SFMBT2: variants seen among roughly 807,000 people sequenced by gnomAD.
SFMBT2 encodes the protein scm-like with four MBT domains protein 2.
In SFMBT2, 38 loss-of-function variants were observed where a neutral mutation model predicts 110.1. That is an observed-to-expected ratio of 0.35 (90% CI 0.27 to 0.45). The LOEUF (loss-of-function observed/expected upper bound fraction) is 0.45, where lower values mean the gene tolerates loss of function less well. Ranked by LOEUF, SFMBT2 falls within the 20% of genes least tolerant of loss-of-function variation. The probability of loss-of-function intolerance (pLI) is 1.00; values close to 1 mark genes in which losing one functional copy is unlikely to be tolerated. For synonymous variants in SFMBT2, 425 were observed against 425.4 expected (o/e 1.00, Z 0.01); for missense variants, 1,011 against 1,094.9 (o/e 0.92, Z 1.08).
chr10:7,205,497 A>T, intron 12 of SFMBT2: 5 of 980,400 alleles, frequency 5.1e-6, no homozygotes, highest in Non-Finnish European at 6.0e-6. Flanking sequence ...TGGTAACACA[A>T]TAATATAGTA....
chr10:7,290,035 T>C (rs1842216284), intron 4 of SFMBT2, among the ~76,000 whole-genome samples: 1 of 152,176 alleles, frequency 6.6e-6, no homozygotes, highest in African/African-American at 2.4e-5. Flanking sequence ...ATGATCATTA[T>C]CTTATTCTTC....
At position 7,172,108 on chromosome 10, in the gene SFMBT2, CTCACTGGCGGTGTCA is replaced by C. The variant is rs765001861; in HGVS notation, c.2187_2201del (p.Asp729_Ser733del). ...CATCCCGGAGCTCGGAGCCGGTCTC[CTCACTGGCGGTGTCA>C]TCGTCCATGGCGTCAGCGTCCTCCT... On this transcript the variant is annotated inframe_deletion, in exon 19 of 21. Transcript: ENST00000397167. This position sits in a 1 kb window ranked among gnomAD's most constrained non-coding sequence, Gnocchi z 4.6. 10 of 1,596,164 alleles carry C rather than the reference CTCACTGGCGGTGTCA, an allele frequency of 6.3e-6. No individual in the cohort carries two copies. In the East Asian group the frequency reaches 2.2e-4, roughly 36 times the overall value.
intron 16 of SFMBT2, among the ~76,000 whole-genome samples, chr10:7,186,990 C>T (rs752314647): frequency 6.6e-6 from 1 of 152,184 alleles, no homozygotes; most frequent in Non-Finnish European, 1.5e-5. Context: ...AATATGCTGC[C>T]TTTACAATTC....
chr10:7,356,451 C>T (rs1372609772), intron 4 of SFMBT2, among the ~76,000 whole-genome samples: 1 of 152,114 alleles, frequency 6.6e-6, no homozygotes, highest in Non-Finnish European at 1.5e-5. Flanking sequence ...AGTCTCGCTC[C>T]CTCACCCAGG....
chr10:7,314,783 C>T (rs1198380497), intron 4 of SFMBT2, among the ~76,000 whole-genome samples: 1 of 151,876 alleles, frequency 6.6e-6, no homozygotes, highest in Non-Finnish European at 1.5e-5. Context: ...TAGCAGGCCC[C>T]AGTATTCCCA....
intron 10 of SFMBT2, among the ~76,000 whole-genome samples, chr10:7,222,674 C>CTT (rs1288314711): frequency 4.8e-5 from 7 of 144,996 alleles, no homozygotes; most frequent in African/African-American, 1.8e-4. Flanking sequence ...TCCCCATCTT[C>CTT]TTTTTTTTTT....
chr10:7,385,586 TC>T (rs1369219203), intron 1 of SFMBT2, among the ~76,000 whole-genome samples: 12 of 151,688 alleles, frequency 7.9e-5, no homozygotes, highest in African/African-American at 2.7e-4. Context: ...AAAACAATGA[TC>T]ATAACAAAAA....
chr10:7,324,800 C>T (rs958408034), intron 4 of SFMBT2, among the ~76,000 whole-genome samples: 1 of 152,076 alleles, frequency 6.6e-6, no homozygotes, highest in Non-Finnish European at 1.5e-5. Flanking sequence ...CATCTTGCTA[C>T]GTGTTCACAT....
chr10:7,175,973 T>C lies in SFMBT2; in HGVS notation c.1984+17A>G. 1 of 1,599,156 alleles carries C rather than the reference T, an allele frequency of 6.3e-7. No homozygotes were observed. The highest frequency in any genetic ancestry group is 1.1e-5 in the South Asian group (1 of 90,062). On this transcript the variant is annotated intron_variant, in intron 17 of 20. Transcript: ENST00000397167. ...TCTCTGGGCTCATGCATTTCTTTTT[T>C]CATTATTTGTACTTACTGTATTTGG...
chr10:7,205,089 T>G (rs1214381848), intron 12 of SFMBT2: 6 of 315,328 alleles, frequency 1.9e-5, no homozygotes, highest in African/African-American at 1.4e-4. Context: ...TTTATTTATT[T>G]TTTGAGACAG....
At chr10:7,370,523 C>T in intron 2 of SFMBT2, 148 bp from the exon 3 acceptor site, 1 of 689,702 alleles carries the variant, frequency 1.4e-6, no homozygotes, top group Non-Finnish European at 2.4e-6. Context: ...TGCAAAGCTT[C>T]AGTCTGCTGA....
intron 7 of SFMBT2, chr10:7,263,926 C>T (rs1279478570): frequency 1.2e-5 from 2 of 172,346 alleles, no homozygotes; most frequent in African/African-American, 2.4e-5. Context: ...TCTAGGTCTC[C>T]GATGCTAAAA....
rs554051663 is a variant in SFMBT2 at position 7,260,642 on chromosome 10, G to A, written c.871-11993C>T. 1.5e-4 allele frequency among the ~76,000 whole-genome samples: 23 copies of A among 152,190 alleles called. No homozygotes were observed. The East Asian group carries it at 4.4e-3, about 29-fold the overall frequency. On this transcript the variant is annotated intron_variant, in intron 7 of 20. Transcript: ENST00000397167. The stretch of plus-strand genomic sequence containing the variant: ...AGCCAATCACTGACAAGAAAAATGG[G>A]GCCACTCTTCCGGCTTACACCACTG...
chr10:7,186,459 C>CACACATATAT (rs748644225), intron 16 of SFMBT2, among the ~76,000 whole-genome samples: 49 of 126,898 alleles, frequency 3.9e-4, no homozygotes, highest in African/African-American at 1.4e-3. Flanking sequence ...CACACACACA[C>CACACATATAT]ATATATATAT....
intron 3 of SFMBT2, among the ~76,000 whole-genome samples, chr10:7,369,965 C>A (rs778559510): frequency 6.6e-6 from 1 of 152,092 alleles, no homozygotes; most frequent in Non-Finnish European, 1.5e-5. Flanking sequence ...GCTCAAGTGA[C>A]CCTCCCCACC....
chr10:7,268,346 GA>G (rs1411026128), intron 7 of SFMBT2, among the ~76,000 whole-genome samples: 1 of 152,168 alleles, frequency 6.6e-6, no homozygotes, highest in Non-Finnish European at 1.5e-5. Context: ...CAAACTGACA[GA>G]AACCCTTCCT....
intron 1 of SFMBT2, among the ~76,000 whole-genome samples, chr10:7,396,960 C>T (rs1019716536): frequency 1.5e-4 from 22 of 150,826 alleles, no homozygotes; most frequent in Non-Finnish European, 2.8e-4. Flanking sequence ...ATGTAAATGA[C>T]GAGTTAATGG....
At chr10:7,376,975 C>T (rs533382675) in intron 2 of SFMBT2, among the ~76,000 whole-genome samples, 1 of 151,218 alleles carries the variant, frequency 6.6e-6, no homozygotes, top group East Asian at 1.9e-4. Context: ...TCGAGACCGT[C>T]CTGGCTAACA....
chr10:7,326,384 C>T (rs1386403627), intron 4 of SFMBT2, among the ~76,000 whole-genome samples: 1 of 152,170 alleles, frequency 6.6e-6, no homozygotes, highest in African/African-American at 2.4e-5. Flanking sequence ...CATCCTTAGC[C>T]CCTGCCCAGG....
Sources: allele counts gnomAD v4.1 joint callset (sites outside exome capture counted in the v4.1 genomes callset), GRCh38; gene constraint gnomAD v4.1.1; non-coding constraint Gnocchi (gnomAD v3.1); transcripts MANE v1.5; gene names NCBI Gene and HGNC (gene_info 2026-07-23, HGNC 2026-07-21).